PCDHGA2: variants seen among roughly 807,000 people sequenced by gnomAD.
The protein encoded by PCDHGA2 is protocadherin gamma-A2.
A neutral mutation model predicts 59.2 loss-of-function variants in PCDHGA2; 40 were observed. The observed-to-expected ratio is 0.68, with a 90% CI of 0.52 to 0.88. The LOEUF (loss-of-function observed/expected upper bound fraction) is 0.88, where lower values mean the gene tolerates loss of function less well. PCDHGA2 is among the 40% of genes least tolerant of loss of function. The pLI is 0.00. For missense variants in PCDHGA2, 1,226 were observed against 1,204.0 expected, an observed-to-expected ratio of 1.02 and a Z score of -0.27; for synonymous variants, 560 against 526.0, an observed-to-expected ratio of 1.06 and a Z score of -0.89.
At chr5:141,354,323 T>C (rs552876054) in intron 1 of PCDHGA2, among the ~76,000 whole-genome samples, 3 of 152,226 alleles carry the variant, frequency 2.0e-5, no homozygotes, top group Non-Finnish European at 4.4e-5. Flanking sequence ...TACTACTCTA[T>C]GAAAGGTATT....
At chr5:141,391,869 T>A (rs2092430763) in intron 1 of PCDHGA2, 2 of 152,218 alleles carry the variant, frequency 1.3e-5, no homozygotes, top group Admixed American at 1.3e-4. Flanking sequence ...AATTTAATCA[T>A]CTCTTTGGTG....
chr5:141,361,532 C>T, intron 1 of PCDHGA2: 1 of 1,614,034 alleles, frequency 6.2e-7, no homozygotes, highest in East Asian at 2.2e-5. Flanking sequence ...GAGAACAATC[C>T]TCCTGGCGCC....
chr5:141,345,822 G>T (rs962753490), intron 1 of PCDHGA2: 1 of 1,613,726 alleles, frequency 6.2e-7, no homozygotes, highest in Non-Finnish European at 8.5e-7. Context: ...GGTGGACAGA[G>T]ACTCGGGCCA....
intron 1 of PCDHGA2, chr5:141,355,492 A>G: frequency 6.2e-7 from 1 of 1,614,090 alleles, no homozygotes; most frequent in Non-Finnish European, 8.5e-7. Context: ...GCTCTGCGAC[A>G]GATCTCCAAA....
Position 141,338,786 on chromosome 5 carries a change from C to A in PCDHGA2, c.-186C>A. 7.5e-7 allele frequency: 1 copy of A among 1,340,206 alleles called. No individual in the cohort carries two copies. The highest frequency in any genetic ancestry group is 9.5e-7 in the Non-Finnish European group (1 of 1,050,912). 83.0% of individuals were successfully genotyped at this position (1,340,206 alleles called of 1,614,324 possible). A position where few individuals can be genotyped will look rare whatever the true frequency, so the allele number is the denominator to read the frequency against. On this transcript the variant is annotated 5_prime_UTR_variant, in exon 1 of 4. Transcript: ENST00000394576. ...ATCCAGCAATACGGCTCCCACAGCA[C>A]AAGGGGGTGGAGGTTTGGCCCTAAA...
At chr5:141,508,823 G>A (rs1445894402) in intron 3 of PCDHGA2, among the ~76,000 whole-genome samples, 1 of 151,966 alleles carries the variant, frequency 6.6e-6, no homozygotes, top group Admixed American at 6.6e-5. Flanking sequence ...GCCAGATCTG[G>A]GCCCCCCTCC....
intron 1 of PCDHGA2, among the ~76,000 whole-genome samples, chr5:141,481,863 G>A (rs182704348): frequency 8.8e-4 from 130 of 147,602 alleles, no homozygotes; most frequent in African/African-American, 3.3e-3. Flanking sequence ...GCAGTGAGCC[G>A]AGATCGCGCC....
chr5:141,427,646 C>A, intron 1 of PCDHGA2: 1 of 715,440 alleles, frequency 1.4e-6, no homozygotes, highest in East Asian at 2.7e-5. Context: ...ACCAAGTCTC[C>A]TACGTGGTCC....
In PCDHGA2 at chr5:141,374,048, C is replaced by T. The variant is rs1406796976; in HGVS notation, c.2424+32653C>T. ...AAAGTGATGCAGATCTGTTCTTCCT[C>T]TTCTTAATCCCAGAGAAGTTCCTAA... On this transcript the variant is annotated intron_variant, in intron 1 of 3. Coordinates refer to ENST00000394576, the MANE Select transcript of PCDHGA2 (RefSeq NM_018915.4). The T allele has an allele frequency of 4.8e-6, 7 of 1,471,096 alleles. No homozygotes were observed. In the East Asian group the frequency reaches 1.4e-4, roughly 30 times the overall value. 91.1% of individuals were successfully genotyped at this position (1,471,096 alleles called of 1,614,324 possible).
At chr5:141,488,620 C>A (rs1271344928) in intron 1 of PCDHGA2, among the ~76,000 whole-genome samples, 1 of 152,164 alleles carries the variant, frequency 6.6e-6, no homozygotes, top group East Asian at 1.9e-4. Context: ...CTAATCTTTT[C>A]TCTCACCTTA....
intron 1 of PCDHGA2, chr5:141,468,346 AAAAG>A (rs2099164910): frequency 6.8e-6 from 1 of 147,210 alleles, no homozygotes; most frequent in South Asian, 2.2e-4. Flanking sequence ...AAAAAAAAAA[AAAAG>A]AAAGAAAAAA....
Position 141,489,267 on chromosome 5 carries a change from C to T in PCDHGA2, c.2425-5540C>T, listed in dbSNP as rs370726160. 27 of 1,553,302 alleles carry T rather than the reference C, an allele frequency of 1.7e-5. No individual in the cohort carries two copies. Among genetic ancestry groups the T allele is most frequent in the African/African-American group, 8.2e-5 (6 of 73,324 alleles). ...TGGGGCCCAAGACACTCCCACAGCT[C>T]GCTGGGAAATGGCAAGTGCTGTGCA... On this transcript the variant is annotated intron_variant, in intron 1 of 3. Transcript: ENST00000394576. This position sits in a 1 kb window ranked among gnomAD's most constrained non-coding sequence, Gnocchi z 4.5.
chr5:141,415,123 G>A (rs1349224471), intron 1 of PCDHGA2: 3 of 1,613,540 alleles, frequency 1.9e-6, no homozygotes, highest in African/African-American at 1.3e-5. Context: ...CGTAGTGGCC[G>A]TCCAGGACCA....
At chr5:141,430,874 C>A in intron 1 of PCDHGA2, 2 of 1,598,990 alleles carry the variant, frequency 1.3e-6, no homozygotes, top group East Asian at 4.5e-5. Context: ...TCCGGAAGAG[C>A]TGGAGAAAGG....
At chr5:141,408,297 C>G in intron 1 of PCDHGA2, 1 of 1,613,652 alleles carries the variant, frequency 6.2e-7, no homozygotes, top group East Asian at 2.2e-5. Flanking sequence ...CTGAGTGAGC[C>G]GATCCGCTAC....
rs922405350 is a variant in PCDHGA2, at chr5:141,512,227, T to C, written c.*1054T>C. 5 of 152,764 alleles carry C rather than the reference T, an allele frequency of 3.3e-5. No homozygotes were observed. The highest frequency in any genetic ancestry group is 1.2e-4 in the African/African-American group (5 of 41,552). 9.5% of individuals were successfully genotyped at this position (152,764 alleles called of 1,614,324 possible). On this transcript the variant is annotated 3_prime_UTR_variant, in exon 4 of 4. Transcript: ENST00000394576. ...AAGCAGGTTTAGGACCAGGTCCCCTTGAGAGGTCAGAGGGGCCTCTGTGGG... is the reference window on the plus strand; with the variant it reads ...AAGCAGGTTTAGGACCAGGTCCCCTCGAGAGGTCAGAGGGGCCTCTGTGGG...
Position 141,385,038 on chromosome 5 carries a change from G to A in PCDHGA2, c.2424+43643G>A, listed in dbSNP as rs377185831. The A allele has an allele frequency of 7.4e-6, 12 of 1,614,020 alleles. No individual in the cohort carries two copies. The African/African-American group carries it at 1.2e-4, about 16-fold the overall frequency. On this transcript the variant is annotated intron_variant, in intron 1 of 3. Transcript: ENST00000394576. ...TAGCCTTCGTCCTCGTACTGCTGGC[G>A]CTCAGGCTGCGGCGCTGGCACAAGT...
At chr5:141,393,194 C>A in intron 1 of PCDHGA2, 2 of 1,613,362 alleles carry the variant, frequency 1.2e-6, no homozygotes, top group Non-Finnish European at 1.7e-6. Context: ...TTGATATTAA[C>A]GATAATAACC....
intron 1 of PCDHGA2, among the ~76,000 whole-genome samples, chr5:141,348,971 G>A (rs935801393): frequency 6.6e-6 from 1 of 152,136 alleles, no homozygotes; most frequent in Non-Finnish European, 1.5e-5. Flanking sequence ...CCAAAATTGG[G>A]TGTCTAAGAA....
Sources: gnomAD v4.1 joint callset for allele counts (sites outside exome capture counted in the v4.1 genomes callset) on GRCh38, gnomAD v4.1.1 for gene constraint, Gnocchi (gnomAD v3.1) non-coding constraint, MANE v1.5 for transcripts, NCBI Gene and HGNC (gene_info 2026-07-23, HGNC 2026-07-21) for gene names.